Variants in RARB observed in about 807,000 individuals in gnomAD.
RARB encodes retinoic acid receptor beta, also known as HBV-activated protein.
In RARB, 17 loss-of-function variants were observed where a neutral mutation model predicts 51.9. That is an observed-to-expected ratio of 0.33 (90% CI 0.22 to 0.49). RARB has a LOEUF of 0.49. RARB is among the 20% of genes least tolerant of loss of function. The pLI is 0.99. For missense variants in RARB, 369 were observed against 550.8 expected (o/e 0.67, Z 3.30); for synonymous variants, 215 against 195.4 (o/e 1.10, Z -0.84).
At position 25,447,360 on chromosome 3, in the gene RARB, C is replaced by T. The variant is rs184154330; in HGVS notation, c.158-13833C>T. Among the ~76,000 whole-genome samples the T allele has an allele frequency of 3.5e-3, 528 of 152,328 alleles. 4 individuals are homozygous for T. Among genetic ancestry groups the T allele is most frequent in the African/African-American group, 0.012 (509 of 41,574 alleles). Reference sequence around the variant, plus strand: ...CCCACTCATGACAGCCTCTGACCCCCATCAGATCCTTTTTCTAGCTGGGGC... The same window carrying T: ...CCCACTCATGACAGCCTCTGACCCCTATCAGATCCTTTTTCTAGCTGGGGC... On this transcript the variant is annotated intron_variant, in intron 1 of 7. Transcript: ENST00000330688.
At chr3:25,413,023 G>T (rs1399649096) in intron 5 of RARB, among the ~76,000 whole-genome samples, 1 of 150,436 alleles carries the variant, frequency 6.6e-6, no homozygotes, top group Non-Finnish European at 1.5e-5. Context: ...CCATCTTGGG[G>T]GAAAAAAAAA....
chr3:25,318,031 A>C (rs749924276), intron 5 of RARB, among the ~76,000 whole-genome samples: 15 of 152,240 alleles, frequency 9.9e-5, no homozygotes, highest in Admixed American at 7.2e-4. Flanking sequence ...AATATGTGTT[A>C]CTTAGAAAAA....
chr3:24,953,125 C>T (rs1352710874), intron 2 of RARB, among the ~76,000 whole-genome samples: 1 of 152,054 alleles, frequency 6.6e-6, no homozygotes, highest in Non-Finnish European at 1.5e-5. Flanking sequence ...CATATAGATG[C>T]ACGTAGATAA....
At chr3:24,923,473 C>A (rs1695259456) in intron 2 of RARB, among the ~76,000 whole-genome samples, 1 of 151,838 alleles carries the variant, frequency 6.6e-6, no homozygotes, top group African/African-American at 2.4e-5. Flanking sequence ...ATTTTAAAAC[C>A]TTATATAGGC....
At chr3:25,334,352 A>G (rs1185420794) in intron 5 of RARB, among the ~76,000 whole-genome samples, 1 of 152,242 alleles carries the variant, frequency 6.6e-6, no homozygotes, top group Non-Finnish European at 1.5e-5. Flanking sequence ...GCAGCCATAA[A>G]AAAGGGATGA....
At chr3:25,279,953 TGTAGG>T (rs1434113072) in intron 5 of RARB, among the ~76,000 whole-genome samples, 1 of 152,104 alleles carries the variant, frequency 6.6e-6, no homozygotes, top group Non-Finnish European at 1.5e-5. Flanking sequence ...GAGGTGGAGT[TGTAGG>T]GGAGGGAAGA....
At chr3:24,960,987 G>T (rs752954465) in intron 2 of RARB, among the ~76,000 whole-genome samples, 2 of 152,030 alleles carry the variant, frequency 1.3e-5, no homozygotes, top group East Asian at 3.9e-4. Context: ...CTGTGACAGG[G>T]GCCAGGAATT....
chr3:24,877,402 C>T (rs1361554041), intron 2 of RARB, among the ~76,000 whole-genome samples: 1 of 116,338 alleles, frequency 8.6e-6, no homozygotes, highest in Admixed American at 1.2e-4. Flanking sequence ...TCTAGAAAGA[C>T]TTAAGAATAG....
chr3:24,847,061 C>G (rs542497116), intron 1 of RARB, among the ~76,000 whole-genome samples: 66 of 152,186 alleles, frequency 4.3e-4, no homozygotes, highest in Non-Finnish European at 8.7e-4. Flanking sequence ...CCTGACTCAA[C>G]AGGTCTGGGA....
intron 3 of RARB, among the ~76,000 whole-genome samples, chr3:25,112,960 T>C (rs1699627842): frequency 6.6e-6 from 1 of 152,230 alleles, no homozygotes; most frequent in Non-Finnish European, 1.5e-5. Context: ...TATTTTTATT[T>C]AGTATAGATC....
chr3:25,250,201 C>T (rs567377348), intron 5 of RARB, among the ~76,000 whole-genome samples: 2 of 152,222 alleles, frequency 1.3e-5, no homozygotes, highest in South Asian at 4.1e-4. Context: ...TCTCAGGCCC[C>T]TGTGAGGGAT....
At chr3:25,317,252 T>C (rs1305313689) in intron 5 of RARB, among the ~76,000 whole-genome samples, 1 of 151,942 alleles carries the variant, frequency 6.6e-6, no homozygotes, top group Non-Finnish European at 1.5e-5. Context: ...AAATGGATCA[T>C]TGGCTGATGA....
chr3:25,577,226 A>G lies in RARB; in HGVS notation c.610-3320A>G, dbSNP rs565612606. Among the ~76,000 whole-genome samples, 6 of 152,272 alleles carry G rather than the reference A, an allele frequency of 3.9e-5. No homozygotes were observed. In the East Asian group the frequency reaches 9.7e-4, roughly 25 times the overall value. ...GGTTCGCCCGCGGGATCTTGCACAA[A>G]TGATTGCACTTCTGTGGGCCTTCGC... On this transcript the variant is annotated intron_variant, in intron 4 of 7. Transcript: ENST00000330688.
chr3:25,317,416 T>C lies in RARB; in HGVS notation c.178+142841T>C, dbSNP rs150714672. ...CAGTTCTGGGTCATGCTATCTCAGATTGACACAGCAACAAATACGTATTTT... is the reference window on the plus strand; with the variant it reads ...CAGTTCTGGGTCATGCTATCTCAGACTGACACAGCAACAAATACGTATTTT... On this transcript the variant is annotated intron_variant, in intron 5 of 11. Transcript: ENST00000383772. 9.2e-3 allele frequency among the ~76,000 whole-genome samples: 1,404 copies of C among 152,286 alleles called. 11 individuals carry two copies. Among genetic ancestry groups the C allele is most frequent in the Middle Eastern group, 0.027 (8 of 294 alleles).
At chr3:24,846,219 CTG>C (rs1298629773) in intron 1 of RARB, among the ~76,000 whole-genome samples, 2 of 152,184 alleles carry the variant, frequency 1.3e-5, no homozygotes, top group Non-Finnish European at 2.9e-5. Flanking sequence ...ATTAGCTACT[CTG>C]TGTCTCAAAT....
intron 2 of RARB, among the ~76,000 whole-genome samples, chr3:25,000,503 C>T (rs1218846414): frequency 1.3e-5 from 2 of 152,004 alleles, no homozygotes; most frequent in Non-Finnish European, 2.9e-5. Flanking sequence ...GAAGTCTTAA[C>T]TACTTCTTTG....
rs1311346237 is a variant in RARB at position 24,886,165 on chromosome 3, T to A, written c.-380+27413T>A. ...GGCTGGAAAACACTATTTTCGCCTC[T>A]TAGGCATTTCTTTTCTGTGAGGCAA... On this transcript the variant is annotated intron_variant, in intron 2 of 11. Transcript: ENST00000383772. Among the ~76,000 whole-genome samples the A allele has an allele frequency of 2.0e-5, 3 of 152,224 alleles. No homozygotes were observed. The East Asian group carries it at 5.8e-4, about 29-fold the overall frequency.
At chr3:24,979,600 GT>G (rs570180063) in intron 2 of RARB, among the ~76,000 whole-genome samples, 4 of 147,840 alleles carry the variant, frequency 2.7e-5, no homozygotes, top group Non-Finnish European at 4.5e-5. Context: ...TTTGTTTTTT[GT>G]TTTTTTTTGC....
intron 5 of RARB, among the ~76,000 whole-genome samples, chr3:25,322,270 G>C (rs1259632044): frequency 6.6e-6 from 1 of 152,152 alleles, no homozygotes; most frequent in Admixed American, 6.5e-5. Flanking sequence ...ATAAACCTCA[G>C]ATAAGCCATA....
Sources: allele counts gnomAD v4.1 joint callset (sites outside exome capture counted in the v4.1 genomes callset), GRCh38; gene constraint gnomAD v4.1.1; transcripts MANE v1.5; gene names NCBI Gene and HGNC (gene_info 2026-07-23, HGNC 2026-07-21).